The following MAPK4 variants were observed in gnomAD, a reference collection of about 807,000 sequenced individuals.
MAPK4 encodes the protein mitogen-activated protein kinase 4.
In MAPK4, 22 loss-of-function variants were observed where a neutral mutation model predicts 47.7. The observed-to-expected ratio is 0.46, with a 90% CI of 0.33 to 0.66. The LOEUF is 0.66. Among genes scored for constraint, MAPK4 ranks in the 30% least tolerant of loss-of-function variants. The pLI is 0.02. For synonymous variants in MAPK4, 390 were observed against 365.7 expected, an observed-to-expected ratio of 1.07 and a Z score of -0.76; for missense variants, 736 against 831.7, an observed-to-expected ratio of 0.88 and a Z score of 1.42.
At chr18:50,571,242 A>G (rs983449734) in intron 1 of MAPK4, among the ~76,000 whole-genome samples, 2 of 152,200 alleles carry the variant, frequency 1.3e-5, no homozygotes, top group Non-Finnish European at 2.9e-5. Context: ...CATAGGAAGG[A>G]CTATAGAAAA....
At position 50,726,737 on chromosome 18, in the gene MAPK4, AT is replaced by A. The variant is rs1044931697; in HGVS notation, c.1067+573del. 1.9e-3 allele frequency among the ~76,000 whole-genome samples: 280 copies of A among 148,482 alleles called. 1 individual carries two copies. The highest frequency in any genetic ancestry group is 3.9e-3 in the African/African-American group (158 of 40,618). ...ACAAAGCAAGACCCCATCTCTACAA[AT>A]TTTTTTTTTTAATTAGCCAGGCATG... On this transcript the variant is annotated intron_variant, in intron 5 of 5. Transcript: ENST00000400384.
At chr18:50,633,879 A>G (rs2042855037) in intron 1 of MAPK4, among the ~76,000 whole-genome samples, 1 of 152,064 alleles carries the variant, frequency 6.6e-6, no homozygotes. Flanking sequence ...TTCTGCATCT[A>G]AGGTAGGAAG....
intron 1 of MAPK4, among the ~76,000 whole-genome samples, chr18:50,574,519 C>G (rs1207187216): frequency 1.3e-5 from 2 of 152,160 alleles, no homozygotes; most frequent in Non-Finnish European, 2.9e-5. Context: ...ACATGGTATA[C>G]AGAGCCCAGT....
intron 1 of MAPK4, among the ~76,000 whole-genome samples, chr18:50,644,033 A>G (rs1354691339): frequency 2.0e-5 from 3 of 152,060 alleles, no homozygotes; most frequent in Non-Finnish European, 2.9e-5. Flanking sequence ...GAATGCCTGC[A>G]GATCCACATC....
intron 1 of MAPK4, among the ~76,000 whole-genome samples, chr18:50,640,474 T>G (rs1300381571): frequency 1.3e-5 from 2 of 152,214 alleles, no homozygotes; most frequent in African/African-American, 2.4e-5. Context: ...TCTTTTCTTT[T>G]CTTTTTTTTG....
intron 2 of MAPK4, among the ~76,000 whole-genome samples, chr18:50,697,157 T>C (rs771859131): frequency 6.6e-6 from 1 of 152,228 alleles, no homozygotes; most frequent in Non-Finnish European, 1.5e-5. Context: ...TGCTTAAGGT[T>C]GAGAATTGCT....
intron 1 of MAPK4, among the ~76,000 whole-genome samples, chr18:50,583,091 A>G (rs2042360062): frequency 6.6e-6 from 1 of 152,162 alleles, no homozygotes; most frequent in Non-Finnish European, 1.5e-5. Flanking sequence ...CATGGACACT[A>G]GGGAGTGAGT....
intron 5 of MAPK4, 34 bp from the exon 6 acceptor site, chr18:50,729,124 G>A: frequency 6.6e-7 from 1 of 1,508,324 alleles, no homozygotes; most frequent in Middle Eastern, 1.8e-4. Flanking sequence ...CCTGGCTTGG[G>A]CATCCAATCA....
intron 1 of MAPK4, among the ~76,000 whole-genome samples, chr18:50,620,676 G>A (rs2042723871): frequency 6.6e-6 from 1 of 152,090 alleles, no homozygotes; most frequent in African/African-American, 2.4e-5. Flanking sequence ...AGGCCGAGGT[G>A]GGAGGATTGC....
chr18:50,679,667 C>T (rs1163015412), intron 2 of MAPK4, among the ~76,000 whole-genome samples: 3 of 152,156 alleles, frequency 2.0e-5, no homozygotes, highest in Non-Finnish European at 4.4e-5. Flanking sequence ...AATCAGGCTC[C>T]GTTCCAGAAT....
chr18:50,694,299 C>T (rs1909389319), intron 2 of MAPK4, among the ~76,000 whole-genome samples: 2 of 152,072 alleles, frequency 1.3e-5, no homozygotes, highest in African/African-American at 2.4e-5. Flanking sequence ...CACGTGGGCT[C>T]CTCAGGCCAC....
chr18:50,610,765 A>G (rs11664209), intron 1 of MAPK4, among the ~76,000 whole-genome samples: 25,881 of 152,124 alleles, frequency 0.17, 2,564 homozygotes, highest in Middle Eastern at 0.25. Context: ...TGATACTCCC[A>G]TTTACCCCCT....
intron 2 of MAPK4, among the ~76,000 whole-genome samples, chr18:50,665,870 G>C (rs1299353014): frequency 1.3e-5 from 2 of 152,190 alleles, no homozygotes; most frequent in East Asian, 3.9e-4. Flanking sequence ...CCATGGGCTG[G>C]GGCCTGGGGA....
At chr18:50,724,176 TA>T (rs1311441895) in intron 4 of MAPK4, among the ~76,000 whole-genome samples, 2 of 152,144 alleles carry the variant, frequency 1.3e-5, no homozygotes, top group Non-Finnish European at 2.9e-5. Flanking sequence ...CTTGGCTGGC[TA>T]ATTTTAAAAT....
intron 1 of MAPK4, among the ~76,000 whole-genome samples, chr18:50,655,458 G>A (rs2043099085): frequency 6.6e-6 from 1 of 152,156 alleles, no homozygotes; most frequent in African/African-American, 2.4e-5. Context: ...GCACCATTAG[G>A]AGCAGCCATC....
chr18:50,722,286 G>T (rs372790185), intron 4 of MAPK4, among the ~76,000 whole-genome samples, 187 bp downstream of exon 4: 10 of 152,362 alleles, frequency 6.6e-5, no homozygotes, highest in African/African-American at 2.2e-4. Context: ...TGGGCCTCAG[G>T]AGTCCATTAG....
At chr18:50,575,136 G>C (rs1453993240) in intron 1 of MAPK4, among the ~76,000 whole-genome samples, 2 of 152,196 alleles carry the variant, frequency 1.3e-5, no homozygotes, top group Non-Finnish European at 2.9e-5. Context: ...CTGTCATAAA[G>C]TGACTTAATG....
At chr18:50,579,262 G>A (rs1274475241) in intron 1 of MAPK4, among the ~76,000 whole-genome samples, 1 of 152,156 alleles carries the variant, frequency 6.6e-6, no homozygotes, top group Non-Finnish European at 1.5e-5. Context: ...AGGCCGCAGG[G>A]TACATGGCCT....
intron 1 of MAPK4, among the ~76,000 whole-genome samples, chr18:50,629,022 G>A (rs1430924232): frequency 6.6e-6 from 1 of 152,218 alleles, no homozygotes; most frequent in Non-Finnish European, 1.5e-5. Flanking sequence ...CTGAAGCCTT[G>A]TGGTATACCT....
Sources: gnomAD v4.1 joint callset for allele counts (sites outside exome capture counted in the v4.1 genomes callset) on GRCh38, gnomAD v4.1.1 for gene constraint, MANE v1.5 for transcripts, NCBI Gene and HGNC (gene_info 2026-07-23, HGNC 2026-07-21) for gene names.